The following ADGRV1 variants were observed in gnomAD, a reference collection of about 807,000 sequenced individuals.
ADGRV1 encodes the protein G-protein coupled receptor 98.
ADGRV1 carries 359 observed loss-of-function variants against 596.2 expected under a neutral mutation model. The observed-to-expected ratio is 0.60, with a 90% confidence interval of 0.55 to 0.66. The LOEUF (loss-of-function observed/expected upper bound fraction) is 0.66, where lower values mean the gene tolerates loss of function less well. Ranked by LOEUF, ADGRV1 falls within the 30% of genes least tolerant of loss-of-function variation. The probability of loss-of-function intolerance (pLI) is 0.00; values close to 1 mark genes in which losing one functional copy is unlikely to be tolerated. For missense variants in ADGRV1, 7,274 were observed against 7,575.6 expected (o/e 0.96, Z 1.48); for synonymous variants, 2,681 against 2,679.2 (o/e 1.00, Z -0.02).
chr5:90,772,981 A>T (rs1289589288), intron 59 of ADGRV1, among the ~76,000 whole-genome samples: 1 of 152,162 alleles, frequency 6.6e-6, no homozygotes, highest in Non-Finnish European at 1.5e-5. Flanking sequence ...CAGCCTGGCC[A>T]ACATGGCAAA....
intron 87 of ADGRV1, among the ~76,000 whole-genome samples, chr5:91,138,924 A>T (rs1249068394): frequency 6.6e-6 from 1 of 152,108 alleles, no homozygotes; most frequent in African/African-American, 2.4e-5. Context: ...GGTGTGTGCC[A>T]CCACACCCAG....
Position 90,745,720 on chromosome 5 carries a change from G to A in ADGRV1, c.10899G>A (p.Glu3633=), listed in dbSNP as rs765864458. 8 of 1,612,224 alleles carry A rather than the reference G, an allele frequency of 5.0e-6. No homozygotes were observed. In the East Asian group the frequency reaches 1.1e-4, roughly 22 times the overall value. The change falls in exon 52 of 90, where the codon GAG becomes GAA. Residue 3633 remains glutamate, a synonymous_variant. Transcript: ENST00000405460. ...TTAAAAATCCCAAAGGAGGAGCAGA[G>A]ATTGGCATTAATGATTCTGTAACAA... The part of the protein sequence containing the change: ...VQLKNPKGGA[E]IGINDSVTIT...
At chr5:91,052,330 T>G (rs1334684786) in intron 85 of ADGRV1, among the ~76,000 whole-genome samples, 1 of 152,044 alleles carries the variant, frequency 6.6e-6, no homozygotes, top group Non-Finnish European at 1.5e-5. Context: ...AGAATCTAAC[T>G]TTCCAAAATT....
chr5:90,822,788 A>G (rs1241819655), intron 75 of ADGRV1, among the ~76,000 whole-genome samples: 2 of 152,222 alleles, frequency 1.3e-5, no homozygotes, highest in African/African-American at 2.4e-5. Flanking sequence ...ACTTGTTTGT[A>G]TCCTCTTTTA....
chr5:90,716,422 C>A, intron 42 of ADGRV1, 45 bp from the exon 43 acceptor site: 3 of 1,360,470 alleles, frequency 2.2e-6, no homozygotes, highest in Non-Finnish European at 3.0e-6. Context: ...GCATTTATAA[C>A]CTCTTCTATT....
intron 42 of ADGRV1, among the ~76,000 whole-genome samples, chr5:90,713,340 CT>C (rs540515777): frequency 0.18 from 24,477 of 135,534 alleles, 3,110 homozygotes; most frequent in African/African-American, 0.39. Flanking sequence ...CCCCAGAAGC[CT>C]TTTTTTTTTT....
intron 1 of ADGRV1, among the ~76,000 whole-genome samples, chr5:90,570,433 T>C (rs186944275): frequency 1.3e-5 from 2 of 152,296 alleles, no homozygotes; most frequent in East Asian, 3.9e-4. Context: ...TAGAGTTTAC[T>C]GAGCTTCTTA....
At position 91,103,264 on chromosome 5, in the gene ADGRV1, G is replaced by C. The variant is rs575252937; in HGVS notation, c.18432+924G>C. On this transcript the variant is annotated intron_variant, in intron 87 of 89. Transcript: ENST00000405460. ...AGGGGAAAATACAAAACAATTAAAA[G>C]TTTAGAACCAAGTTGCTACAAGTTT... Among the ~76,000 whole-genome samples the C allele has an allele frequency of 6.6e-5, 10 of 152,206 alleles. No homozygotes were observed. The South Asian group carries it at 2.1e-3, about 32-fold the overall frequency.
chr5:90,750,479 C>T (rs41311341), intron 52 of ADGRV1, 72 bp from the exon 53 acceptor site: 34,220 of 1,330,004 alleles, frequency 0.026, 527 homozygotes, highest in Non-Finnish European at 0.029. Context: ...TCCATAATAA[C>T]ATGAGACAAA....
At chr5:90,957,153 TCTTTC>T (rs2150932003) in intron 83 of ADGRV1, among the ~76,000 whole-genome samples, 1 of 152,284 alleles carries the variant, frequency 6.6e-6, no homozygotes, top group East Asian at 1.9e-4. Flanking sequence ...AGGAAAAAAG[TCTTTC>T]CTTAGGTCTG....
intron 82 of ADGRV1, among the ~76,000 whole-genome samples, chr5:90,860,225 C>G (rs1047146560): frequency 2.6e-5 from 4 of 152,164 alleles, no homozygotes; most frequent in Non-Finnish European, 4.4e-5. Context: ...CCTCACCACT[C>G]TAGAATAACT....
intron 85 of ADGRV1, among the ~76,000 whole-genome samples, chr5:91,063,999 A>G (rs1787672539): frequency 6.6e-6 from 1 of 152,164 alleles, no homozygotes; most frequent in Non-Finnish European, 1.5e-5. Context: ...GCATCTTTAT[A>G]TGCCCTTCCA....
At chr5:90,970,558 GTTCAGCAGCCTCTGCTGCTGA>G (rs1378721374) in intron 84 of ADGRV1, among the ~76,000 whole-genome samples, 3 of 145,116 alleles carry the variant, frequency 2.1e-5, no homozygotes, top group Admixed American at 6.8e-5. Flanking sequence ...AACATTTGCT[GTTCAGCAGCCTCTGCTGCTGA>G]TACCCAGGCA....
chr5:90,761,941 A>G (rs953450932), intron 58 of ADGRV1, among the ~76,000 whole-genome samples: 1 of 152,218 alleles, frequency 6.6e-6, no homozygotes, highest in Non-Finnish European at 1.5e-5. Context: ...CCTTAATAAG[A>G]TATACAATAT....
chr5:90,728,885 T>C lies in ADGRV1; in HGVS notation c.10378T>C (p.Ser3460Pro), dbSNP rs1580901644. 1 of 1,613,296 alleles carries C rather than the reference T, an allele frequency of 6.2e-7. No individual in the cohort carries two copies. The highest frequency in any genetic ancestry group is 1.3e-5 in the African/African-American group (1 of 74,914). The change falls in exon 49 of 90, where the codon TCT (serine) becomes CCT (proline). Residue 3460 changes from serine (S) to proline (P), a missense_variant. By Grantham distance (74) the Ser-to-Pro change is moderately conservative (BLOSUM62 -1). This residue lies in a region of ADGRV1 where 3,643 missense variants were observed against 3,809.2 expected (regional missense o/e 0.96). Coordinates refer to ENST00000405460, the MANE Select transcript of ADGRV1 (RefSeq NM_032119.4). Reference protein sequence around the residue: ...VSGTTEVEALSSANDIYLIFA... With the variant: ...VSGTTEVEALPSANDIYLIFA... ...TGGGACAACAGAAGTTGAGGCTTTG[T>C]CTTCAGCCAATGATATTTACCTAAT... is the stretch of plus-strand genomic sequence containing the variant.
rs6879250 is a variant in ADGRV1 at position 91,085,573 on chromosome 5, G to A, written c.18310+12969G>A. ...TGTTCTCTGATCATTTCTCTTTGCC[G>A]TCTCTCTTCTTTGCCATTTTTCGTT... On this transcript the variant is annotated intron_variant, in intron 86 of 89. Coordinates refer to ENST00000405460, the MANE Select transcript of ADGRV1 (RefSeq NM_032119.4). Among the ~76,000 whole-genome samples, 1,119 of 152,136 alleles carry A rather than the reference G, an allele frequency of 7.4e-3. 17 individuals carry two copies. The highest frequency in any genetic ancestry group is 0.025 in the African/African-American group (1,058 of 41,506).
intron 59 of ADGRV1, among the ~76,000 whole-genome samples, chr5:90,766,015 T>C (rs141930110): frequency 0.016 from 2,379 of 152,118 alleles, 37 homozygotes; most frequent in East Asian, 0.051. Context: ...GTTTACGCCA[T>C]TCTCCTGCCT....
intron 76 of ADGRV1, among the ~76,000 whole-genome samples, chr5:90,827,990 A>G (rs1011419183): frequency 2.0e-5 from 3 of 152,216 alleles, no homozygotes; most frequent in Non-Finnish European, 2.9e-5. Context: ...TTGTAAAGGC[A>G]TCAGCTTAGC....
At chr5:90,613,069 T>A (rs923975518) in intron 1 of ADGRV1, among the ~76,000 whole-genome samples, 3 of 152,096 alleles carry the variant, frequency 2.0e-5, no homozygotes, top group Non-Finnish European at 2.9e-5. Flanking sequence ...CTGTTCTTAC[T>A]TGTTCATGAT....
Sources: gnomAD v4.1 joint callset for allele counts (sites outside exome capture counted in the v4.1 genomes callset) on GRCh38, gnomAD v4.1.1 for gene constraint, gnomAD v4.1.1 regional missense constraint, MANE v1.5 for transcripts, NCBI Gene and HGNC (gene_info 2026-07-23, HGNC 2026-07-21) for gene names.